TMCO4: variants seen among roughly 807,000 people sequenced by gnomAD.
TMCO4 encodes transmembrane and coiled-coil domains 4, also known as transmembrane and coiled-coil domain-containing protein 4.
In TMCO4, 58 loss-of-function variants were observed where a neutral mutation model predicts 64.7. The ratio of observed to expected loss-of-function variants is 0.90; its 90% CI spans 0.73 to 1.12. TMCO4 has a LOEUF of 1.12. Ranked by LOEUF, TMCO4 falls within the 50% of genes most tolerant of loss-of-function variation. The pLI, the probability that TMCO4 is intolerant of heterozygous loss-of-function variation, is 0.00. For missense variants in TMCO4, 780 were observed against 825.9 expected, an observed-to-expected ratio of 0.94 and a Z score of 0.68; for synonymous variants, 325 against 346.1, an observed-to-expected ratio of 0.94 and a Z score of 0.68.
In TMCO4 at chr1:19,771,340, T is replaced by C. The variant is rs1237011125; in HGVS notation, c.322A>G (p.Ile108Val). The C allele has an allele frequency of 1.2e-6, 2 of 1,614,090 alleles. No homozygotes were observed. The highest frequency in any genetic ancestry group is 1.7e-6 in the Non-Finnish European group (2 of 1,180,044). ...VFVQILLKDP[I>V]LKDDPTVITQ... ...ATCACCGTCGGGTCGTCCTTCAAGA[T>C]GGGGTCCTTCAGTAAAATTTGAACA... Residue 108 changes from isoleucine (I) to valine (V), a missense_variant, in exon 5 of 16, where the codon ATC (isoleucine) becomes GTC (valine). Coordinates refer to ENST00000294543, the MANE Select transcript of TMCO4 (RefSeq NM_181719.7).
chr1:19,705,927 G>T (rs184812573), intron 13 of TMCO4, among the ~76,000 whole-genome samples: 1 of 152,094 alleles, frequency 6.6e-6, no homozygotes, highest in Non-Finnish European at 1.5e-5. Context: ...TTGAGACAGG[G>T]TCTCCCTCTG....
chr1:19,698,392 T>C (rs896911250), intron 14 of TMCO4, among the ~76,000 whole-genome samples: 2 of 152,194 alleles, frequency 1.3e-5, no homozygotes, highest in African/African-American at 4.8e-5. Flanking sequence ...GCAAGTCACT[T>C]GCCCCTTTTT....
intron 10 of TMCO4, 32 bp downstream of exon 10, chr1:19,745,479 GCCCAGGCCACCACTGCCCACC>G: frequency 1.2e-6 from 2 of 1,611,758 alleles, no homozygotes; most frequent in South Asian, 2.2e-5. Flanking sequence ...CCAGGGTCTG[GCCCAGGCCACCACTGCCCACC>G]CCCCTCCACT....
chr1:19,705,270 G>A (rs2095296422), intron 13 of TMCO4, among the ~76,000 whole-genome samples: 1 of 152,044 alleles, frequency 6.6e-6, no homozygotes, highest in African/African-American at 2.4e-5. Flanking sequence ...GGCCAACATG[G>A]CAAAAACCTG....
rs958999877 is a variant in TMCO4 at position 19,745,630 on chromosome 1, A to G, written c.779T>C (p.Val260Ala). ...AAACGTGAACTCTTCAATGGCTCCC[A>G]CTCGCTTCTTCATCTTGTATCCTAA... Reference protein sequence around the residue: ...GLTGYKMKKRVGAIEEFTFLP... With the variant: ...GLTGYKMKKRAGAIEEFTFLP... Residue 260 changes from valine (V) to alanine (A), a missense_variant, in exon 10 of 16, where the codon GTG (valine) becomes GCG (alanine). By Grantham distance (64) the Val-to-Ala change is moderately conservative. Transcript: ENST00000294543. 6 of 1,612,180 alleles carry G rather than the reference A, an allele frequency of 3.7e-6. No homozygotes were observed. The highest frequency in any genetic ancestry group is 3.4e-6 in the Non-Finnish European group (4 of 1,178,926).
intron 15 of TMCO4, among the ~76,000 whole-genome samples, chr1:19,694,026 G>A (rs542323304): frequency 2.6e-5 from 4 of 152,236 alleles, no homozygotes; most frequent in African/African-American, 9.6e-5. Context: ...TTTAGAGACA[G>A]GGTTGTGCTC....
intron 13 of TMCO4, among the ~76,000 whole-genome samples, chr1:19,724,277 A>G (rs1239035710): frequency 6.6e-6 from 1 of 152,202 alleles, no homozygotes; most frequent in Admixed American, 6.5e-5. Context: ...ACTTGTTGGG[A>G]GTCTACTATG....
intron 14 of TMCO4, among the ~76,000 whole-genome samples, chr1:19,695,012 G>A (rs2095226359): frequency 6.6e-6 from 1 of 152,224 alleles, no homozygotes; most frequent in South Asian, 2.1e-4. Flanking sequence ...TGTGAGGAGG[G>A]GAGGAACTCT....
chr1:19,701,554 T>C (rs953481318), intron 13 of TMCO4, among the ~76,000 whole-genome samples: 1 of 152,186 alleles, frequency 6.6e-6, no homozygotes, highest in African/African-American at 2.4e-5. Flanking sequence ...CAGCCTGGGT[T>C]GGAACCCAGG....
chr1:19,708,332 G>A (rs550061491), intron 13 of TMCO4, among the ~76,000 whole-genome samples: 5 of 151,542 alleles, frequency 3.3e-5, no homozygotes, highest in African/African-American at 7.3e-5. Flanking sequence ...CTCCTGAGAC[G>A]GTGCTTTACC....
intron 13 of TMCO4, among the ~76,000 whole-genome samples, chr1:19,720,618 A>C (rs1052585535): frequency 6.6e-6 from 1 of 152,138 alleles, no homozygotes; most frequent in Non-Finnish European, 1.5e-5. Context: ...TTTTGGGGGA[A>C]GAATGATGGG....
At chr1:19,706,101 G>A (rs2095301942) in intron 13 of TMCO4, among the ~76,000 whole-genome samples, 1 of 151,964 alleles carries the variant, frequency 6.6e-6, no homozygotes, top group African/African-American at 2.4e-5. Context: ...ATGAGGTCTT[G>A]CTATGTTGCC....
intron 7 of TMCO4, among the ~76,000 whole-genome samples, chr1:19,754,388 G>A (rs1570908348): frequency 6.6e-6 from 1 of 152,178 alleles, no homozygotes. Flanking sequence ...AACTCTGGGA[G>A]TCAAAGCTAG....
chr1:19,793,372 AC>A (rs2044147145), intron 2 of TMCO4, among the ~76,000 whole-genome samples: 1 of 152,210 alleles, frequency 6.6e-6, no homozygotes, highest in Non-Finnish European at 1.5e-5. Context: ...AAGCTATAGC[AC>A]CATCCTTAGG....
chr1:19,741,958 C>T (rs986679238), intron 10 of TMCO4, among the ~76,000 whole-genome samples: 4 of 151,832 alleles, frequency 2.6e-5, no homozygotes, highest in African/African-American at 4.8e-5. Context: ...AGGCTGGTCT[C>T]GAACTCCTGA....
chr1:19,791,488 G>A (rs543475712), intron 2 of TMCO4, among the ~76,000 whole-genome samples: 1 of 152,304 alleles, frequency 6.6e-6, no homozygotes, highest in African/African-American at 2.4e-5. Context: ...AACTCTTCCA[G>A]CTGCACAAGC....
At chr1:19,775,522 G>A (rs2294631) in intron 4 of TMCO4, among the ~76,000 whole-genome samples, 1 of 152,098 alleles carries the variant, frequency 6.6e-6, no homozygotes, top group Non-Finnish European at 1.5e-5. Flanking sequence ...GCCATATCTT[G>A]CCTGCAGCCC....
intron 7 of TMCO4, among the ~76,000 whole-genome samples, chr1:19,755,183 T>C (rs1250923387): frequency 6.6e-6 from 1 of 152,226 alleles, no homozygotes; most frequent in Non-Finnish European, 1.5e-5. Flanking sequence ...TGGAGTGCAG[T>C]GGCACAATCT....
At chr1:19,696,729 G>T (rs567208341) in intron 14 of TMCO4, among the ~76,000 whole-genome samples, 197 of 152,262 alleles carry the variant, frequency 1.3e-3, no homozygotes, top group Middle Eastern at 6.8e-3. Flanking sequence ...GTATAAATGA[G>T]CAAAGACAGC....
Sources: gnomAD v4.1 joint callset for allele counts (sites outside exome capture counted in the v4.1 genomes callset) on GRCh38, gnomAD v4.1.1 for gene constraint, MANE v1.5 for transcripts, NCBI Gene and HGNC (gene_info 2026-07-23, HGNC 2026-07-21) for gene names.